The following PASK variants were observed in gnomAD, a reference collection of about 807,000 sequenced individuals.
The protein encoded by PASK is PAS domain-containing serine/threonine-protein kinase.
Under a neutral mutation model 121.0 loss-of-function variants are expected in PASK, and 110 were observed. The observed-to-expected ratio is 0.91, with a 90% CI of 0.78 to 1.06. PASK has a LOEUF of 1.06. Among genes scored for constraint, PASK ranks in the 50% least tolerant of loss-of-function variants. PASK has a pLI of 0.00. For missense variants in PASK, 1,643 were observed against 1,702.3 expected, an observed-to-expected ratio of 0.97 and a Z score of 0.61; for synonymous variants, 686 against 717.8, an observed-to-expected ratio of 0.96 and a Z score of 0.71.
At chr2:241,146,985 C>A (rs991294017) in intron 1 of PASK, among the ~76,000 whole-genome samples, 4 of 152,198 alleles carry the variant, frequency 2.6e-5, no homozygotes, top group African/African-American at 9.7e-5. Flanking sequence ...TGCAAACCTG[C>A]AGATGTGTAG....
At chr2:241,106,877 G>A (rs2064907196) in intron 17 of PASK, among the ~76,000 whole-genome samples, 154 bp from the exon 18 acceptor site, 1 of 152,246 alleles carries the variant, frequency 6.6e-6, no homozygotes, top group Non-Finnish European at 1.5e-5. Context: ...TCCTGCCAAG[G>A]TGGGGATCTA....
rs574887560 is a variant in PASK, at chr2:241,141,588, G to A, written c.197-835C>T. Among the ~76,000 whole-genome samples, 10 of 151,996 alleles carry A rather than the reference G, an allele frequency of 6.6e-5. No homozygotes were observed. In the South Asian group the frequency reaches 8.3e-4, roughly 13 times the overall value. ...CCTGGCTCCATCTCACCCATTCCTC[G>A]GTAGCTTTAAATACATCTAATTAGA... On this transcript the variant is annotated intron_variant, in intron 2 of 17. Transcript: ENST00000234040.
In PASK at chr2:241,138,065, C is replaced by A. The variant is rs144120874; in HGVS notation, c.764G>T (p.Ser255Ile). 1.1e-5 allele frequency: 18 copies of A among 1,614,104 alleles called. No homozygotes were observed. The highest frequency in any genetic ancestry group is 1.4e-5 in the Non-Finnish European group (17 of 1,180,018). Residue 255 changes from serine to isoleucine, a missense_variant, in exon 6 of 18, where the codon AGT (serine) becomes ATT (isoleucine). Ser to Ile is a moderately radical substitution (Grantham distance 142). Around this residue, in one of 3 missense-constraint regions of PASK, gnomAD observed 1,176 missense variants for 1,162.2 expected, o/e 1.01. Coordinates refer to ENST00000234040, the MANE Select transcript of PASK (RefSeq NM_015148.4). ...QSDGTVTSCDSLFAHLHGYVS... is the reference protein window; with the variant it reads ...QSDGTVTSCDILFAHLHGYVS... ...GTACCCGTGAAGATGAGCAAAGAGA[C>A]TGTCACATGACGTGACGGTGCCCTG...
intron 8 of PASK, 42 bp from the exon 9 acceptor site, chr2:241,133,072 A>G: frequency 6.3e-7 from 1 of 1,594,758 alleles, no homozygotes. Context: ...CTTCACAGGC[A>G]CTCCCTAAAA....
chr2:241,145,666 A>T (rs567904984), intron 1 of PASK: 1 of 152,114 alleles, frequency 6.6e-6, no homozygotes, highest in African/African-American at 2.4e-5. Flanking sequence ...CACGAGGTCA[A>T]GAGATCAAGA....
At chr2:241,141,438 G>A (rs764293759) in intron 2 of PASK, among the ~76,000 whole-genome samples, 10 of 152,194 alleles carry the variant, frequency 6.6e-5, no homozygotes, top group East Asian at 1.9e-4. Context: ...CTTGTGCAGC[G>A]TTCTCTCAGC....
At chr2:241,143,140 A>G in intron 1 of PASK, 66 bp from the exon 2 acceptor site, 1 of 865,010 alleles carries the variant, frequency 1.2e-6, no homozygotes, top group Non-Finnish European at 1.9e-6. Context: ...TTAACCAACT[A>G]ATTTATAATG....
intron 1 of PASK, among the ~76,000 whole-genome samples, 175 bp from the exon 2 acceptor site, chr2:241,143,249 A>C (rs569233310): frequency 3.3e-5 from 5 of 152,248 alleles, no homozygotes; most frequent in South Asian, 2.1e-4. Context: ...GTGCTAAAAG[A>C]AGCTCTTTCC....
Position 241,122,889 on chromosome 2 carries a change from G to C in PASK, c.2915C>G (p.Ala972Gly). Residue 972 changes from alanine to glycine, a missense_variant, in exon 12 of 18, where the codon GCC (alanine) becomes GGC (glycine). Ala to Gly is a moderately conservative substitution (Grantham distance 60). Around this residue, in one of 3 missense-constraint regions of PASK, gnomAD observed 453 missense variants for 511.2 expected, o/e 0.89. Coordinates refer to ENST00000234040, the MANE Select transcript of PASK (RefSeq NM_015148.4). ...TGPSLVEVLRARPWFEEPPKA... is the reference protein window; with the variant it reads ...TGPSLVEVLRGRPWFEEPPKA... ...GGGGGGCTCCTCAAACCAGGGTCTG[G>C]CTCTGAGCACCTGCAATGCAGAAGA... is the stretch of plus-strand genomic sequence containing the variant. 6.2e-7 allele frequency: 1 copy of C among 1,613,938 alleles called. No individual in the cohort carries two copies. Among genetic ancestry groups the C allele is most frequent in the South Asian group, 1.1e-5 (1 of 91,076 alleles).
chr2:241,140,083 T>C, intron 3 of PASK, 28 bp from the exon 4 acceptor site: 4 of 1,599,214 alleles, frequency 2.5e-6, no homozygotes, highest in Non-Finnish European at 3.4e-6. Context: ...GGAGCAAGGA[T>C]GCAGACATCC....
At chr2:241,131,301 A>ACCATGCC (rs2066118943) in intron 9 of PASK, among the ~76,000 whole-genome samples, 1 of 151,994 alleles carries the variant, frequency 6.6e-6, no homozygotes, top group Non-Finnish European at 1.5e-5. Flanking sequence ...GGCGCCCGCC[A>ACCATGCC]CCATGCCTGG....
At position 241,138,045 on chromosome 2, in the gene PASK, C is replaced by A. The variant is rs372015883; in HGVS notation, c.784G>T (p.Gly262Trp). Residue 262 changes from glycine (G) to tryptophan (W), a missense_variant, in exon 6 of 18, where the codon GGG becomes TGG. Physicochemically the swap from Gly to Trp is radical, Grantham distance 184. Transcript: ENST00000234040. ...GCCACGTCCTCCCCAGACACGTACC[C>A]GTGAAGATGAGCAAAGAGACTGTCA... The part of the protein sequence containing the change: ...SCDSLFAHLH[G>W]YVSGEDVAGQ... 2 of 1,614,190 alleles carry A rather than the reference C, an allele frequency of 1.2e-6. No homozygotes were observed. Among genetic ancestry groups the A allele is most frequent in the Non-Finnish European group, 8.5e-7 (1 of 1,180,010 alleles).
At chr2:241,148,077 A>G (rs1452545243) in intron 1 of PASK, among the ~76,000 whole-genome samples, 1 of 152,188 alleles carries the variant, frequency 6.6e-6, no homozygotes, top group Non-Finnish European at 1.5e-5. Flanking sequence ...CGTTAACCAG[A>G]AATACCTGCA....
chr2:241,124,281 G>C (rs932200038), intron 10 of PASK, 148 bp from the exon 11 acceptor site: 4 of 713,990 alleles, frequency 5.6e-6, no homozygotes, highest in Admixed American at 2.2e-5. Context: ...ACACAGACCA[G>C]AGAGCAGCCC....
chr2:241,114,646 T>C, intron 14 of PASK: 1 of 1,136,152 alleles, frequency 8.8e-7, no homozygotes, highest in South Asian at 3.5e-5. Flanking sequence ...GTTAATTACC[T>C]CAACAGCCAC....
In PASK at chr2:241,115,081, TG is replaced by T; in HGVS notation, c.3294del (p.Arg1099GlyfsTer14). ...LDLFAFIDRH[P>X]RLDEPLASYI... ...TAGCTCGCCAGGGGCTCATCCAGCC[TG>T]GGGTGGCGGTCGATGAAAGCGAAGA... On this transcript the variant is annotated frameshift_variant, in exon 14 of 18. Transcript: ENST00000234040. LOFTEE classifies it high-confidence loss of function. 1 of 1,614,108 alleles carries T rather than the reference TG, an allele frequency of 6.2e-7. No individual in the cohort carries two copies. The highest frequency in any genetic ancestry group is 8.5e-7 in the Non-Finnish European group (1 of 1,179,996).
chr2:241,120,655 A>G (rs1172726150), intron 12 of PASK, among the ~76,000 whole-genome samples: 2 of 152,240 alleles, frequency 1.3e-5, no homozygotes, highest in Non-Finnish European at 2.9e-5. Context: ...TAGAATGGCT[A>G]GAAATGAAAA....
chr2:241,149,364 C>G (rs747881032), intron 1 of PASK, 50 bp downstream of exon 1: 235 of 372,524 alleles, frequency 6.3e-4, no homozygotes, highest in Non-Finnish European at 7.9e-4. Context: ...CACAGCCGCC[C>G]TGGGGAGATG....
chr2:241,146,407 T>G (rs1469233163), intron 1 of PASK, among the ~76,000 whole-genome samples: 1 of 151,832 alleles, frequency 6.6e-6, no homozygotes. Context: ...TTCGGGACAA[T>G]ATGGTTCTCA....
Sources: gnomAD v4.1 joint callset for allele counts (sites outside exome capture counted in the v4.1 genomes callset) on GRCh38, gnomAD v4.1.1 for gene constraint, gnomAD v4.1.1 regional missense constraint, MANE v1.5 for transcripts, NCBI Gene and HGNC (gene_info 2026-07-23, HGNC 2026-07-21) for gene names.